PVALEF: variants seen among roughly 807,000 people sequenced by gnomAD.
The protein encoded by PVALEF is parvalbumin like EF-hand containing.
Under a neutral mutation model 1.2 loss-of-function variants are expected in PVALEF, and 2 were observed. The ratio of observed to expected loss-of-function variants is 1.68; its 90% confidence interval spans 0.69 to 5.28. The LOEUF is 5.28. Among genes scored for constraint, PVALEF ranks in the 30% most tolerant of loss-of-function variants. The probability of loss-of-function intolerance (pLI) is 0.06; values close to 1 mark genes in which losing one functional copy is unlikely to be tolerated. For synonymous variants in PVALEF, 16 were observed against 6.5 expected, an observed-to-expected ratio of 2.47 and a Z score of -2.24; for missense variants, 35 against 17.7, an observed-to-expected ratio of 1.97 and a Z score of -1.75.
intron 1 of PVALEF, chr17:81,166,126 C>CGCCCCG (rs1567833374): frequency 2.0e-4 from 76 of 376,904 alleles, no homozygotes; most frequent in Non-Finnish European, 2.5e-4. Context: ...CCCGCGCCCC[C>CGCCCCG]CGCCGCAGCC....
intron 2 of PVALEF, among the ~76,000 whole-genome samples, chr17:81,170,838 C>G (rs1479048020): frequency 6.6e-6 from 1 of 152,106 alleles, no homozygotes; most frequent in East Asian, 1.9e-4. Context: ...TCTTGGCCCT[C>G]TTAGAGGCAT....
chr17:81,165,934 T>A, intron 1 of PVALEF, 187 bp downstream of exon 1: 2 of 1,578,990 alleles, frequency 1.3e-6, no homozygotes, highest in Non-Finnish European at 1.7e-6. Context: ...CGCCAGGGAC[T>A]CACCGGGGTC....
intron 2 of PVALEF, among the ~76,000 whole-genome samples, chr17:81,172,920 A>G (rs563198202): frequency 6.6e-6 from 1 of 151,990 alleles, no homozygotes; most frequent in Non-Finnish European, 1.5e-5. Flanking sequence ...CTGTGTAAGA[A>G]CCAGAGGGGC....
At chr17:81,165,875 A>G (rs999724920) in intron 1 of PVALEF, 128 bp downstream of exon 1, 157 of 1,546,430 alleles carry the variant, frequency 1.0e-4, no homozygotes, top group Non-Finnish European at 1.4e-4. Context: ...CGTGGGGCCC[A>G]GGGGCATCAC....
At chr17:81,181,385 G>T in intron 4 of PVALEF, 53 bp downstream of exon 4, 2 of 604,930 alleles carry the variant, frequency 3.3e-6, no homozygotes, top group East Asian at 2.8e-5. Flanking sequence ...CCCCGCTGTG[G>T]TCAGGAGACC....
At chr17:81,175,677 T>C (rs2061534003) in intron 2 of PVALEF, among the ~76,000 whole-genome samples, 4 of 152,106 alleles carry the variant, frequency 2.6e-5, no homozygotes. Context: ...CCAAGACCAT[T>C]CAATGGGGAA....
chr17:81,166,494 G>A (rs1239032212), intron 1 of PVALEF, among the ~76,000 whole-genome samples, 183 bp from the exon 2 acceptor site: 2 of 59,562 alleles, frequency 3.4e-5, no homozygotes, highest in African/African-American at 1.0e-4. Context: ...AGGGGGGCAC[G>A]GAGGCTGGCG....
chr17:81,168,967 C>T (rs981327132), intron 2 of PVALEF, among the ~76,000 whole-genome samples: 10 of 152,250 alleles, frequency 6.6e-5, no homozygotes, highest in African/African-American at 2.4e-4. Flanking sequence ...GCTCTGACCA[C>T]ACTATAACAT....
intron 2 of PVALEF, 141 bp downstream of exon 2, chr17:81,166,985 A>C: frequency 3.3e-6 from 1 of 307,014 alleles, no homozygotes; most frequent in South Asian, 2.4e-5. Context: ...CCCCCGTGGG[A>C]GTCGGGAGAG....
chr17:81,173,544 G>A (rs1011641861), intron 2 of PVALEF, among the ~76,000 whole-genome samples: 1 of 152,162 alleles, frequency 6.6e-6, no homozygotes, highest in Non-Finnish European at 1.5e-5. Flanking sequence ...ATCATATCTT[G>A]CTCTATAGGA....
rs944414612 is a variant in PVALEF at position 81,183,057 on chromosome 17, C to T, written c.*46C>T. On this transcript the variant is annotated 3_prime_UTR_variant, in exon 7 of 7. Coordinates refer to ENST00000637878, the MANE Select transcript of PVALEF (RefSeq NM_001354639.2). ...AGCCAAGGGGCTCCCATGGGGTAAC[C>T]GGGGTGACCACGCACCTGGGCAGAA... The T allele has an allele frequency of 4.0e-5, 16 of 398,550 alleles. No individual in the cohort carries two copies. The highest frequency in any genetic ancestry group is 1.4e-4 in the East Asian group (4 of 28,094). 24.7% of individuals were successfully genotyped at this position (398,550 alleles called of 1,614,324 possible).
chr17:81,169,304 T>G (rs953521616), intron 2 of PVALEF, among the ~76,000 whole-genome samples: 6 of 152,176 alleles, frequency 3.9e-5, no homozygotes, highest in African/African-American at 1.4e-4. Flanking sequence ...ATAAAATTGT[T>G]AAAAACAGTA....
intron 2 of PVALEF, among the ~76,000 whole-genome samples, chr17:81,167,073 GCTTGTGC>G: frequency 6.6e-6 from 1 of 152,088 alleles, no homozygotes; most frequent in East Asian, 1.9e-4. Context: ...CAGGCGGGTG[GCTTGTGC>G]TCAGGGGTTC....
chr17:81,167,924 G>C (rs889616922), intron 2 of PVALEF, among the ~76,000 whole-genome samples: 2 of 152,232 alleles, frequency 1.3e-5, no homozygotes, highest in African/African-American at 4.8e-5. Context: ...CAGAGGGCTG[G>C]GAGGATCAGT....
intron 2 of PVALEF, among the ~76,000 whole-genome samples, chr17:81,176,375 C>T (rs1004150099): frequency 3.3e-5 from 5 of 151,984 alleles, no homozygotes; most frequent in Non-Finnish European, 5.9e-5. Flanking sequence ...AAAAATTAGC[C>T]GGGCATGGTG....
intron 2 of PVALEF, among the ~76,000 whole-genome samples, chr17:81,172,060 G>A (rs911558287): frequency 3.9e-5 from 6 of 152,206 alleles, no homozygotes; most frequent in Non-Finnish European, 2.9e-5. Flanking sequence ...GGGGGCGTCT[G>A]CCACGCTTCC....
chr17:81,173,168 G>A (rs970297180), intron 2 of PVALEF, among the ~76,000 whole-genome samples: 1 of 152,150 alleles, frequency 6.6e-6, no homozygotes, highest in African/African-American at 2.4e-5. Context: ...GGTGCTCGCA[G>A]AAGCCACCTG....
chr17:81,174,404 G>C (rs2061530087), intron 2 of PVALEF, among the ~76,000 whole-genome samples: 1 of 152,090 alleles, frequency 6.6e-6, no homozygotes, highest in Admixed American at 6.5e-5. Context: ...CAAGGCAGGT[G>C]GATCACCTGA....
At chr17:81,180,415 G>C (rs910613722) in intron 3 of PVALEF, among the ~76,000 whole-genome samples, 1 of 152,048 alleles carries the variant, frequency 6.6e-6, no homozygotes, top group African/African-American at 2.4e-5. Flanking sequence ...GGCGGGGCCT[G>C]TCCTGAGGGC....
Sources: gnomAD v4.1 joint callset for allele counts (sites outside exome capture counted in the v4.1 genomes callset) on GRCh38, gnomAD v4.1.1 for gene constraint, MANE v1.5 for transcripts, NCBI Gene and HGNC (gene_info 2026-07-23, HGNC 2026-07-21) for gene names.